Variants in ELAVL2 observed in about 807,000 individuals in gnomAD.
ELAVL2 encodes ELAV-like protein 2.
Under a neutral mutation model 34.6 loss-of-function variants are expected in ELAVL2, and 4 were observed. The ratio of observed to expected loss-of-function variants is 0.12; its 90% CI spans 0.06 to 0.26. ELAVL2 has a LOEUF of 0.26. Among genes scored for constraint, ELAVL2 ranks in the 10% least tolerant of loss-of-function variants. ELAVL2 has a pLI of 1.00. For missense variants in ELAVL2, 432 were observed against 442.8 expected (o/e 0.98, Z 0.22); for synonymous variants, 193 against 154.8 (o/e 1.25, Z -1.83).
chr9:23,805,191 T>C (rs1248512121), intron 1 of ELAVL2, among the ~76,000 whole-genome samples: 1 of 152,180 alleles, frequency 6.6e-6, no homozygotes, highest in Non-Finnish European at 1.5e-5. Flanking sequence ...GTTAATCATT[T>C]GGGGATTTTC....
chr9:23,841,787 A>G, the ELAVL2 span, among the ~76,000 whole-genome samples: 1 of 152,296 alleles, frequency 6.6e-6, no homozygotes, highest in Non-Finnish European at 1.5e-5. Flanking sequence ...CTAAAAGAAA[A>G]GTAAATCTAT....
chr9:23,773,077 G>A (rs1332911949), intron 1 of ELAVL2, among the ~76,000 whole-genome samples: 1 of 152,166 alleles, frequency 6.6e-6, no homozygotes, highest in Non-Finnish European at 1.5e-5. Flanking sequence ...AAAAGTGGGG[G>A]AGGGGGAGAA....
chr9:23,768,897 T>A (rs1368933525), intron 1 of ELAVL2, among the ~76,000 whole-genome samples: 4 of 152,160 alleles, frequency 2.6e-5, no homozygotes, highest in African/African-American at 9.7e-5. Flanking sequence ...GTGATCTTCA[T>A]ACTAACTAGA....
At position 23,700,860 on chromosome 9, in the gene ELAVL2, CAT is replaced by C. The variant is rs368838443; in HGVS notation, c.713+517_713+518del. Among the ~76,000 whole-genome samples the C allele has an allele frequency of 2.6e-3, 383 of 150,196 alleles. 1 individual carries two copies. Among genetic ancestry groups the C allele is most frequent in the African/African-American group, 8.8e-3 (358 of 40,850 alleles). On this transcript the variant is annotated intron_variant, in intron 5 of 6. Coordinates refer to ENST00000397312, the MANE Select transcript of ELAVL2 (RefSeq NM_004432.5). Reference sequence around the variant, plus strand: ...AAACAGCTTGACCTAAAAATTGACACATGAGAATAAAATCCTTTAAGAAAAAA... The same window carrying C: ...AAACAGCTTGACCTAAAAATTGACACGAGAATAAAATCCTTTAAGAAAAAA...
intron 1 of ELAVL2, among the ~76,000 whole-genome samples, chr9:23,812,537 A>G (rs1318966256): frequency 6.6e-6 from 1 of 152,116 alleles, no homozygotes; most frequent in Admixed American, 6.5e-5. Context: ...AGGTGCCGCA[A>G]TGAGATGCTG....
intron 1 of ELAVL2, among the ~76,000 whole-genome samples, chr9:23,795,104 T>G (rs1032767651): frequency 6.6e-6 from 1 of 152,302 alleles, no homozygotes; most frequent in South Asian, 2.1e-4. Context: ...AACACATTTC[T>G]AAGCAATATT....
chr9:23,789,732 C>T (rs1588531492), intron 1 of ELAVL2, among the ~76,000 whole-genome samples: 1 of 152,192 alleles, frequency 6.6e-6, no homozygotes, highest in Non-Finnish European at 1.5e-5. Flanking sequence ...CAAGCTATCA[C>T]ATATCTCCCT....
In ELAVL2 at chr9:23,764,897, TAAG is replaced by T. The variant is rs577014918; in HGVS notation, c.-15-2651_-15-2649del. The T allele has an allele frequency of 2.4e-4, 267 of 1,097,624 alleles. No homozygotes were observed. In the African/African-American group the frequency reaches 3.9e-3, roughly 16 times the overall value. The allele number at this position is 1,097,624 out of a possible 1,614,324, so 68.0% of individuals were successfully genotyped here. On this transcript the variant is annotated intron_variant, in intron 1 of 6. Transcript: ENST00000397312. ...TGGCCATACCACAATAGGTTAAATG[TAAG>T]AATAATTAGTATGCCAAATGAAAGA...
At chr9:23,732,060 C>T (rs556132473) in intron 2 of ELAVL2, among the ~76,000 whole-genome samples, 1 of 152,268 alleles carries the variant, frequency 6.6e-6, no homozygotes, top group Admixed American at 6.5e-5. Flanking sequence ...AAACATTATA[C>T]AGGTGACAAA....
At chr9:23,698,585 T>C (rs572731368) in intron 5 of ELAVL2, among the ~76,000 whole-genome samples, 4 of 152,328 alleles carry the variant, frequency 2.6e-5, no homozygotes, top group South Asian at 2.1e-4. Flanking sequence ...ATTTTCTACA[T>C]GTCTGCTGAA....
At chr9:23,743,315 T>C (rs528339720) in intron 2 of ELAVL2, among the ~76,000 whole-genome samples, 30 of 152,334 alleles carry the variant, frequency 2.0e-4, no homozygotes, top group African/African-American at 7.2e-4. Flanking sequence ...CACATTCATA[T>C]CACACATAAG....
the ELAVL2 span, among the ~76,000 whole-genome samples, chr9:23,847,762 A>G: frequency 9.2e-5 from 14 of 152,256 alleles, no homozygotes; most frequent in East Asian, 2.7e-3. Context: ...AGTATGAGGA[A>G]TATATAGCAT....
intron 5 of ELAVL2, among the ~76,000 whole-genome samples, chr9:23,699,864 C>G: frequency 8.9e-6 from 1 of 112,774 alleles, no homozygotes; most frequent in African/African-American, 3.3e-5. Context: ...ATACCAATGC[C>G]TTTTCCTCAC....
chr9:23,770,796 A>G (rs1266388695), intron 1 of ELAVL2, among the ~76,000 whole-genome samples: 4 of 152,200 alleles, frequency 2.6e-5, no homozygotes, highest in Non-Finnish European at 5.9e-5. Context: ...TATTGTTTTA[A>G]GCCAGTAAAT....
At chr9:23,734,547 C>G (rs554677426) in intron 2 of ELAVL2, among the ~76,000 whole-genome samples, 2 of 152,244 alleles carry the variant, frequency 1.3e-5, no homozygotes, top group East Asian at 3.9e-4. Context: ...AGGCATATTG[C>G]GTATAAGCCC....
chr9:23,794,757 C>T (rs1049946993), intron 1 of ELAVL2, among the ~76,000 whole-genome samples: 1 of 152,140 alleles, frequency 6.6e-6, no homozygotes, highest in East Asian at 1.9e-4. Context: ...AGTACACCAA[C>T]CACTTGGCAA....
chr9:23,753,358 T>G (rs938900758), intron 2 of ELAVL2, among the ~76,000 whole-genome samples: 7 of 152,088 alleles, frequency 4.6e-5, no homozygotes, highest in Non-Finnish European at 8.8e-5. Flanking sequence ...TCAGGAATAT[T>G]TGAAAGGAAA....
At chr9:23,802,456 T>TA (rs777789506) in intron 1 of ELAVL2, among the ~76,000 whole-genome samples, 129 of 152,282 alleles carry the variant, frequency 8.5e-4, no homozygotes, top group Middle Eastern at 3.4e-3. Context: ...AAGACAATCT[T>TA]ACCTCCAAAG....
At chr9:23,813,995 C>T (rs184234647) in intron 1 of ELAVL2, among the ~76,000 whole-genome samples, 41 of 152,254 alleles carry the variant, frequency 2.7e-4, no homozygotes, top group Non-Finnish European at 5.0e-4. Context: ...AAGGCGCAGT[C>T]GATAAATGTG....
Sources: allele counts gnomAD v4.1 joint callset (sites outside exome capture counted in the v4.1 genomes callset), GRCh38; gene constraint gnomAD v4.1.1; transcripts MANE v1.5; gene names NCBI Gene and HGNC (gene_info 2026-07-23, HGNC 2026-07-21).